The following PRDM10 variants were observed in gnomAD, a reference collection of about 807,000 sequenced individuals.
The protein encoded by PRDM10 is PR domain zinc finger protein 10.
PRDM10 carries 65 observed loss-of-function variants against 133.1 expected under a neutral mutation model. The ratio of observed to expected loss-of-function variants is 0.49; its 90% CI spans 0.40 to 0.60. PRDM10 has a LOEUF of 0.60. Among genes scored for constraint, PRDM10 ranks in the 20% least tolerant of loss-of-function variants. The pLI, the probability that PRDM10 is intolerant of heterozygous loss-of-function variation, is 0.00. For synonymous variants in PRDM10, 582 were observed against 580.4 expected (o/e 1.00, Z -0.04); for missense variants, 1,137 against 1,507.1 (o/e 0.75, Z 4.07).
At chr11:129,990,420 G>T (rs1261180176) in intron 1 of PRDM10, among the ~76,000 whole-genome samples, 1 of 151,508 alleles carries the variant, frequency 6.6e-6, no homozygotes, top group Non-Finnish European at 1.5e-5. Flanking sequence ...TATTCAGGAG[G>T]GTGAGGCCTA....
At chr11:129,956,637 G>A (rs1951701754) in intron 3 of PRDM10, among the ~76,000 whole-genome samples, 1 of 152,192 alleles carries the variant, frequency 6.6e-6, no homozygotes, top group Non-Finnish European at 1.5e-5. Flanking sequence ...GTAATAAACT[G>A]AAAGTTGGTC....
intron 20 of PRDM10, 84 bp downstream of exon 20, chr11:129,905,554 T>C (rs1244565105): frequency 2.9e-6 from 3 of 1,024,176 alleles, no homozygotes; most frequent in Non-Finnish European, 4.6e-6. Flanking sequence ...AGTAAGCCAA[T>C]CATTACGAGA....
intron 2 of PRDM10, among the ~76,000 whole-genome samples, chr11:129,958,910 T>C (rs1156304723): frequency 2.0e-5 from 3 of 152,238 alleles, no homozygotes; most frequent in African/African-American, 7.2e-5. Flanking sequence ...TAAAACACTT[T>C]CTGAGTGGTC....
At chr11:129,999,508 AG>A (rs1255867145) in intron 1 of PRDM10, among the ~76,000 whole-genome samples, 1 of 152,222 alleles carries the variant, frequency 6.6e-6, no homozygotes, top group African/African-American at 2.4e-5. Flanking sequence ...TGATGGGAGA[AG>A]ACTATGTATT....
At chr11:129,970,366 G>A (rs1420858428) in intron 1 of PRDM10, among the ~76,000 whole-genome samples, 1 of 152,172 alleles carries the variant, frequency 6.6e-6, no homozygotes, top group African/African-American at 2.4e-5. Context: ...CTTTGCCTGG[G>A]TAACAGAGCT....
Position 129,955,544 on chromosome 11 carries a change from C to T in PRDM10, c.262G>A (p.Ala88Thr). Residue 88 changes from alanine to threonine, a missense_variant, in exon 4 of 21, where the codon GCT becomes ACT. Ala to Thr is a moderately conservative substitution (Grantham distance 58). Around this residue, in one of 6 missense-constraint regions of PRDM10, gnomAD observed 635 missense variants for 835.2 expected, o/e 0.76. Transcript: ENST00000360871. Reference protein sequence around the residue: ...QTLFTDPGQVAYVQQDATAQQ... With the variant: ...QTLFTDPGQVTYVQQDATAQQ... ...GCTGTAGCATCCTGTTGGACATAAG[C>T]TACCTGGCCGGGGTCTGTAAACAGA... 2 of 1,614,018 alleles carry T rather than the reference C, an allele frequency of 1.2e-6. No individual in the cohort carries two copies. Among genetic ancestry groups the T allele is most frequent in the South Asian group, 1.1e-5 (1 of 91,050 alleles).
At position 129,925,214 on chromosome 11, in the gene PRDM10, G is replaced by A; in HGVS notation, c.1546C>T (p.His516Tyr). ...AKRIRNAALQ[H>Y]LFIRKSFRPF... ...CGGAAGGACTTCCGAATAAACAGAT[G>A]CTGAAGAGCTGCATTCTGAAAGACA... Residue 516 changes from histidine to tyrosine, a missense_variant, in exon 12 of 21, where the codon CAT becomes TAT. By Grantham distance (83) the His-to-Tyr change is moderately conservative (BLOSUM62 2). This residue lies in a region of PRDM10 where 635 missense variants were observed against 835.2 expected (regional missense o/e 0.76). Coordinates refer to ENST00000360871, the MANE Select transcript of PRDM10 (RefSeq NM_199437.2). The A allele has an allele frequency of 6.2e-7, 1 of 1,608,872 alleles. No homozygotes were observed. Among genetic ancestry groups the A allele is most frequent in the Non-Finnish European group, 8.5e-7 (1 of 1,177,800 alleles).
At chr11:129,944,627 T>G in intron 6 of PRDM10, 144 bp downstream of exon 6, 1 of 1,240,432 alleles carries the variant, frequency 8.1e-7, no homozygotes. Context: ...TATTAGTGAG[T>G]TTCCATTTAA....
chr11:129,957,723 T>A, intron 3 of PRDM10, 23 bp downstream of exon 3: 1 of 1,591,494 alleles, frequency 6.3e-7, no homozygotes. Flanking sequence ...TGACAAATTA[T>A]CAACAGATAA....
intron 1 of PRDM10, among the ~76,000 whole-genome samples, chr11:129,986,202 C>T (rs1156233351): frequency 6.6e-6 from 1 of 150,858 alleles, no homozygotes; most frequent in East Asian, 1.9e-4. Flanking sequence ...GTGTAGCAGG[C>T]TGTGGCAAGT....
rs577811626 is a variant in PRDM10 at position 129,905,618 on chromosome 11, G to A, written c.3267+20C>T. The A allele has an allele frequency of 6.9e-6, 11 of 1,598,400 alleles. No homozygotes were observed. The highest frequency in any genetic ancestry group is 6.7e-5 in the Admixed American group (4 of 59,948). On this transcript the variant is annotated intron_variant, in intron 20 of 20. Transcript: ENST00000360871. ...ACCACAGGTTGGACAGGAAAAACCC[G>A]ACCGAGTAGCGTAGCTTACCGAAGT...
intron 6 of PRDM10, among the ~76,000 whole-genome samples, chr11:129,944,327 G>T (rs1378292611): frequency 6.6e-6 from 1 of 152,142 alleles, no homozygotes; most frequent in East Asian, 1.9e-4. Context: ...GGGCGCGGTG[G>T]CTCACGCCTG....
At chr11:129,997,955 T>G (rs1939148598) in intron 1 of PRDM10, among the ~76,000 whole-genome samples, 1 of 152,122 alleles carries the variant, frequency 6.6e-6, no homozygotes, top group Non-Finnish European at 1.5e-5. Flanking sequence ...CAAAAAATAT[T>G]ACATCTTAAT....
rs766078746 is a variant in PRDM10, at chr11:129,925,091, T to C, written c.1669A>G (p.Thr557Ala). The stretch of plus-strand genomic sequence containing the variant: ...AAGCCCTTGTTACAGAGATCACAGG[T>C]CAGTGGGCAGTTCCCCTCCCGCCCA... The part of the protein sequence containing the change: ...FHGREGNCPL[T>A]CDLCNKGFIS... The change falls in exon 12 of 21, where the codon ACC becomes GCC. Residue 557 changes from threonine (T) to alanine (A), a missense_variant. Thr to Ala is a moderately conservative substitution (Grantham distance 58). Coordinates refer to ENST00000360871, the MANE Select transcript of PRDM10 (RefSeq NM_199437.2). 4.3e-6 allele frequency: 7 copies of C among 1,614,062 alleles called. No homozygotes were observed. The highest frequency in any genetic ancestry group is 5.9e-6 in the Non-Finnish European group (7 of 1,180,044).
At chr11:129,922,343 T>C (rs898380019) in intron 13 of PRDM10, among the ~76,000 whole-genome samples, 3 of 152,356 alleles carry the variant, frequency 2.0e-5, no homozygotes, top group East Asian at 1.9e-4. Flanking sequence ...CTTTTAGATA[T>C]GATTTTTTTT....
At chr11:129,991,277 C>T (rs1938728795) in intron 1 of PRDM10, among the ~76,000 whole-genome samples, 1 of 152,200 alleles carries the variant, frequency 6.6e-6, no homozygotes, top group Admixed American at 6.5e-5. Context: ...CATTATTAAA[C>T]AATTGTTTTG....
rs923013617 is a variant in PRDM10 at position 129,914,651 on chromosome 11, G to A, written c.2841+53C>T. The stretch of plus-strand genomic sequence containing the variant: ...CCAGCCCCAGCTCTGAGAATGAGGT[G>A]CTAGTGGCAACACGGCATTCATAAG... On this transcript the variant is annotated intron_variant, in intron 17 of 20. Coordinates refer to ENST00000360871, the MANE Select transcript of PRDM10 (RefSeq NM_199437.2). 1.9e-6 allele frequency: 3 copies of A among 1,596,798 alleles called. No individual in the cohort carries two copies. In the African/African-American group the frequency reaches 4.0e-5, roughly 21 times the overall value.
In PRDM10 at chr11:129,947,567, C is replaced by T. The variant is rs1951461647; in HGVS notation, c.295-197G>A. 6.9e-7 allele frequency: 1 copy of T among 1,443,602 alleles called. No individual in the cohort carries two copies. The highest frequency in any genetic ancestry group is 2.7e-5 in the Admixed American group (1 of 36,412). 89.4% of individuals were successfully genotyped at this position (1,443,602 alleles called of 1,614,324 possible). ...GCTTCATTTTTGATCTGACTGCTCA[C>T]AGCCTTTAAGCCTCTGCCCTCCCTC... On this transcript the variant is annotated intron_variant, in intron 4 of 20. Transcript: ENST00000360871. This position sits in a 1 kb window ranked among gnomAD's most constrained non-coding sequence, Gnocchi z 4.6.
At chr11:129,926,744 G>A (rs1299965277) in intron 11 of PRDM10, among the ~76,000 whole-genome samples, 1 of 152,066 alleles carries the variant, frequency 6.6e-6, no homozygotes, top group African/African-American at 2.4e-5. Context: ...GCTGCTTCAG[G>A]GGATGTATCA....
Sources: allele counts gnomAD v4.1 joint callset (sites outside exome capture counted in the v4.1 genomes callset), GRCh38; gene constraint gnomAD v4.1.1; regional missense constraint gnomAD v4.1.1; non-coding constraint Gnocchi (gnomAD v3.1); transcripts MANE v1.5; gene names NCBI Gene and HGNC (gene_info 2026-07-23, HGNC 2026-07-21).